Variants in SGSM1 observed in about 807,000 individuals in gnomAD.
SGSM1 encodes small G protein signaling modulator 1.
A neutral mutation model predicts 133.8 loss-of-function variants in SGSM1; 73 were observed. The observed-to-expected ratio is 0.55, with a 90% CI of 0.45 to 0.66. The LOEUF is 0.66. Ranked by LOEUF, SGSM1 falls within the 30% of genes least tolerant of loss-of-function variation. The pLI is 0.00. For synonymous variants in SGSM1, 563 were observed against 573.0 expected, an observed-to-expected ratio of 0.98 and a Z score of 0.25; for missense variants, 1,213 against 1,448.1, an observed-to-expected ratio of 0.84 and a Z score of 2.64.
intron 2 of SGSM1, among the ~76,000 whole-genome samples, chr22:24,824,915 G>A (rs1214740978): frequency 4.6e-5 from 7 of 152,210 alleles, no homozygotes; most frequent in South Asian, 2.1e-4. Flanking sequence ...TAAGGCTTGC[G>A]AGGACAGGGA....
chr22:24,880,321 G>A (rs1569160504), intron 14 of SGSM1, among the ~76,000 whole-genome samples: 5 of 151,996 alleles, frequency 3.3e-5, no homozygotes, highest in African/African-American at 1.2e-4. Context: ...TTTTAATAGA[G>A]ACGGGTTTCA....
At chr22:24,872,946 T>G (rs2147880756) in intron 12 of SGSM1, among the ~76,000 whole-genome samples, 1 of 151,818 alleles carries the variant, frequency 6.6e-6, no homozygotes, top group African/African-American at 2.4e-5. Context: ...TTTTTTAAAT[T>G]ACATATGTGG....
intron 8 of SGSM1, 72 bp downstream of exon 8, chr22:24,855,752 T>G: frequency 2.5e-6 from 4 of 1,610,604 alleles, no homozygotes; most frequent in Non-Finnish European, 3.4e-6. Flanking sequence ...AAGGTCTCTC[T>G]GGCTCCAGAT....
intron 5 of SGSM1, among the ~76,000 whole-genome samples, chr22:24,852,200 G>A (rs1411511361): frequency 6.6e-6 from 1 of 152,144 alleles, no homozygotes; most frequent in Non-Finnish European, 1.5e-5. Flanking sequence ...TCAAAACCAG[G>A]AAATTGACAT....
At chr22:24,899,586 G>A (rs1933050888) in intron 19 of SGSM1, among the ~76,000 whole-genome samples, 1 of 148,214 alleles carries the variant, frequency 6.7e-6, no homozygotes, top group South Asian at 2.1e-4. Flanking sequence ...GCAGTGGCGT[G>A]ATCTCGGCTC....
intron 14 of SGSM1, among the ~76,000 whole-genome samples, chr22:24,881,305 G>A (rs764910338): frequency 6.8e-6 from 1 of 146,216 alleles, no homozygotes; most frequent in African/African-American, 2.5e-5. Flanking sequence ...GGTGGCTCAC[G>A]CCTGTAATCC....
At chr22:24,896,015 C>T (rs1027182869) in intron 18 of SGSM1, among the ~76,000 whole-genome samples, 2 of 152,176 alleles carry the variant, frequency 1.3e-5, no homozygotes, top group Admixed American at 1.3e-4. Flanking sequence ...CGCCACTGCA[C>T]TCCAGCCTGG....
chr22:24,814,591 A>G (rs1354700926), intron 2 of SGSM1, among the ~76,000 whole-genome samples: 1 of 151,906 alleles, frequency 6.6e-6, no homozygotes, highest in African/African-American at 2.4e-5. Context: ...CCACTATGCT[A>G]TCACTGTCAG....
intron 3 of SGSM1, among the ~76,000 whole-genome samples, chr22:24,847,110 G>A (rs567542726): frequency 5.9e-5 from 9 of 152,138 alleles, no homozygotes; most frequent in Non-Finnish European, 8.8e-5. Flanking sequence ...AGATCTGCCC[G>A]CCTTGGCCTC....
chr22:24,861,542 TTTTA>T (rs1206198891), intron 9 of SGSM1, among the ~76,000 whole-genome samples: 2 of 151,576 alleles, frequency 1.3e-5, no homozygotes, highest in Non-Finnish European at 2.9e-5. Context: ...TTATATTTTA[TTTTA>T]TTTATTTATT....
chr22:24,870,509 T>G (rs1931716680), intron 12 of SGSM1, among the ~76,000 whole-genome samples: 1 of 152,192 alleles, frequency 6.6e-6, no homozygotes, highest in African/African-American at 2.4e-5. Context: ...GTTTAATTTA[T>G]TTGGAGATTC....
At chr22:24,899,719 C>T (rs1933060722) in intron 19 of SGSM1, among the ~76,000 whole-genome samples, 1 of 151,952 alleles carries the variant, frequency 6.6e-6, no homozygotes, top group African/African-American at 2.4e-5. Context: ...GATAGGGTTT[C>T]ACCGGGTTGG....
intron 2 of SGSM1, among the ~76,000 whole-genome samples, chr22:24,815,936 CT>C (rs1014634818): frequency 2.1e-4 from 32 of 152,068 alleles, no homozygotes; most frequent in African/African-American, 7.0e-4. Flanking sequence ...ACAAATGTAA[CT>C]TTCTGGAGTT....
At position 24,806,335 on chromosome 22, in the gene SGSM1, G is replaced by C; in HGVS notation, c.10G>C (p.Ala4Pro). MAS[A>P]PAEAETRQRL... ...CGCAGCGCTCGGAGCCATGGCCTCG[G>C]CCCCCGCGGGTAAGAGGCCGCTGGA... Residue 4 changes from alanine to proline, a missense_variant, in exon 1 of 25, where the codon GCC becomes CCC. By Grantham distance (27) the Ala-to-Pro change is conservative (BLOSUM62 -1). Coordinates refer to ENST00000400358, the MANE Select transcript of SGSM1 (RefSeq NM_001098497.3). The C allele has an allele frequency of 6.8e-7, 1 of 1,474,860 alleles. No homozygotes were observed. Among genetic ancestry groups the C allele is most frequent in the Non-Finnish European group, 9.0e-7 (1 of 1,115,562 alleles). 91.4% of individuals were successfully genotyped at this position (1,474,860 alleles called of 1,614,324 possible).
Position 24,884,139 on chromosome 22 carries a change from T to C in SGSM1, c.1582T>C (p.Cys528Arg). Reference sequence around the variant, plus strand: ...CATGATCGTGTCTCCAGACTTGCCCTGCGATGCTGGACAGGGACTGACAGC... The same window carrying C: ...CATGATCGTGTCTCCAGACTTGCCCCGCGATGCTGGACAGGGACTGACAGC... The part of the protein sequence containing the change: ...NHMIVSPDLP[C>R]DAGQGLTARI... Residue 528 changes from cysteine to arginine, a missense_variant, in exon 15 of 25, where the codon TGC (cysteine) becomes CGC (arginine). Coordinates refer to ENST00000400358, the MANE Select transcript of SGSM1 (RefSeq NM_001098497.3). 6.2e-7 allele frequency: 1 copy of C among 1,613,916 alleles called. No individual in the cohort carries two copies. Among genetic ancestry groups the C allele is most frequent in the Non-Finnish European group, 8.5e-7 (1 of 1,179,876 alleles).
At chr22:24,897,941 G>T in intron 18 of SGSM1, 31 bp from the exon 19 acceptor site, 1 of 1,543,716 alleles carries the variant, frequency 6.5e-7, no homozygotes, top group Non-Finnish European at 8.8e-7. Flanking sequence ...CGACATGCCG[G>T]TCCATCTGTT....
Position 24,919,869 on chromosome 22 carries a change from G to A in SGSM1, c.3069G>A (p.Trp1023Ter). ...DDVFLVWETI[W>*]AAKHVSSAHY... Reference sequence around the variant, plus strand: ...TCTTCTTGGTCTGGGAGACCATCTGGGCAGCCAAACACGTCTCCTCTGCGC... The same window carrying A: ...TCTTCTTGGTCTGGGAGACCATCTGAGCAGCCAAACACGTCTCCTCTGCGC... Residue 1023 changes from tryptophan to a stop codon, truncating the protein, a stop_gained, in exon 24 of 25, where the codon TGG (tryptophan) becomes TGA (stop). Coordinates refer to ENST00000400358, the MANE Select transcript of SGSM1 (RefSeq NM_001098497.3). LOFTEE classifies it high-confidence loss of function. The A allele has an allele frequency of 6.2e-7, 1 of 1,614,050 alleles. No homozygotes were observed. The highest frequency in any genetic ancestry group is 8.5e-7 in the Non-Finnish European group (1 of 1,179,900).
chr22:24,919,438 A>G (rs1037489865), intron 23 of SGSM1, among the ~76,000 whole-genome samples: 3 of 152,140 alleles, frequency 2.0e-5, no homozygotes, highest in African/African-American at 4.8e-5. Context: ...GGGGGAAAGA[A>G]GAAAGGGCTC....
intron 5 of SGSM1, among the ~76,000 whole-genome samples, chr22:24,853,601 C>A (rs1930601954): frequency 6.7e-6 from 1 of 149,972 alleles, no homozygotes; most frequent in Non-Finnish European, 1.5e-5. Context: ...TGGCAGGAGG[C>A]AAAAGGCACT....
Sources: allele counts gnomAD v4.1 joint callset (sites outside exome capture counted in the v4.1 genomes callset), GRCh38; gene constraint gnomAD v4.1.1; transcripts MANE v1.5; gene names NCBI Gene and HGNC (gene_info 2026-07-23, HGNC 2026-07-21).